Variants in MYO18B observed in about 807,000 individuals in gnomAD.
MYO18B encodes the protein unconventional myosin-XVIIIb.
A neutral mutation model predicts 273.0 loss-of-function variants in MYO18B; 204 were observed. The observed-to-expected ratio is 0.75, with a 90% CI of 0.67 to 0.84. The LOEUF is 0.84. Among genes scored for constraint, MYO18B ranks in the 40% least tolerant of loss-of-function variants. The pLI, the probability that MYO18B is intolerant of heterozygous loss-of-function variation, is 0.00. For missense variants in MYO18B, 3,212 were observed against 3,287.6 expected, an observed-to-expected ratio of 0.98 and a Z score of 0.56; for synonymous variants, 1,330 against 1,305.7, an observed-to-expected ratio of 1.02 and a Z score of -0.40.
At chr22:26,029,487 C>T (rs778000069) in intron 43 of MYO18B, among the ~76,000 whole-genome samples, 2 of 152,078 alleles carry the variant, frequency 1.3e-5, no homozygotes, top group East Asian at 1.9e-4. Flanking sequence ...ATTATGCTCT[C>T]GGGGACACAG....
chr22:25,955,958 C>T (rs1009768471), intron 39 of MYO18B, among the ~76,000 whole-genome samples: 1 of 152,120 alleles, frequency 6.6e-6, no homozygotes, highest in Admixed American at 6.5e-5. Flanking sequence ...TGCTCCCTAC[C>T]AGGTTCTGAA....
rs73879803 is a variant in MYO18B at position 26,018,159 on chromosome 22, T to C, written c.6471-8286T>C. ...CAGGTGTCCACTCAGGGCAGCTCGA[T>C]GGATTGGTTTGTAAAATTGTCAAAG... On this transcript the variant is annotated intron_variant, in intron 42 of 43. Coordinates refer to ENST00000335473, the MANE Select transcript of MYO18B (RefSeq NM_032608.7). Among the ~76,000 whole-genome samples the C allele has an allele frequency of 8.9e-3, 1,350 of 152,120 alleles. 25 individuals carry two copies. The highest frequency in any genetic ancestry group is 0.03 in the African/African-American group (1,264 of 41,496).
intron 14 of MYO18B, among the ~76,000 whole-genome samples, chr22:25,827,584 C>A (rs1275713569): frequency 6.6e-6 from 1 of 152,186 alleles, no homozygotes; most frequent in Non-Finnish European, 1.5e-5. Flanking sequence ...TTCTGAAATC[C>A]TGTTAAAGGG....
At chr22:26,054,752 G>A in the MYO18B span, among the ~76,000 whole-genome samples, 1 of 152,190 alleles carries the variant, frequency 6.6e-6, no homozygotes, top group African/African-American at 2.4e-5. Context: ...CGGTTTAATA[G>A]AGTGGTCTAG....
chr22:25,876,267 C>T lies in MYO18B; in HGVS notation c.4159C>T (p.Leu1387=). The change falls in exon 24 of 44, where the codon CTG becomes TTG. Residue 1387 remains leucine (L), a synonymous_variant. Coordinates refer to ENST00000335473, the MANE Select transcript of MYO18B (RefSeq NM_032608.7). ...LAVKDWPWWQ[L]LGSLQPLLSA... Reference sequence around the variant, plus strand: ...AGTCAAGGACTGGCCATGGTGGCAGCTGCTTGGTTCCCTCCAGCCTCTACT... The same window carrying T: ...AGTCAAGGACTGGCCATGGTGGCAGTTGCTTGGTTCCCTCCAGCCTCTACT... 3 of 1,613,420 alleles carry T rather than the reference C, an allele frequency of 1.9e-6. No individual in the cohort carries two copies. Among genetic ancestry groups the T allele is most frequent in the Non-Finnish European group, 2.5e-6 (3 of 1,179,668 alleles).
intron 27 of MYO18B, among the ~76,000 whole-genome samples, chr22:25,891,957 G>T (rs2091673762): frequency 6.6e-6 from 1 of 152,166 alleles, no homozygotes; most frequent in South Asian, 2.1e-4. Flanking sequence ...AAGCCTGGGA[G>T]ACCTAGGCTG....
At position 25,907,566 on chromosome 22, in the gene MYO18B, C is replaced by T. The variant is rs984509509; in HGVS notation, c.5149-756C>T. ...GGTTGTTTTCTACAGAGAAAGGGGACTGACCTAGAGGTAAAGTGAATTGTC... is the reference window on the plus strand; with the variant it reads ...GGTTGTTTTCTACAGAGAAAGGGGATTGACCTAGAGGTAAAGTGAATTGTC... On this transcript the variant is annotated intron_variant, in intron 31 of 43. Transcript: ENST00000335473. 3.9e-5 allele frequency among the ~76,000 whole-genome samples: 6 copies of T among 152,188 alleles called. No individual in the cohort carries two copies. The East Asian group carries it at 9.6e-4, about 24-fold the overall frequency.
At chr22:26,056,258 A>G in the MYO18B span, among the ~76,000 whole-genome samples, 1 of 152,194 alleles carries the variant, frequency 6.6e-6, no homozygotes. Flanking sequence ...CCTCCAAAGA[A>G]CTCAGTTTCT....
chr22:25,815,824 A>G (rs2088975189), intron 12 of MYO18B, among the ~76,000 whole-genome samples: 1 of 152,188 alleles, frequency 6.6e-6, no homozygotes, highest in African/African-American at 2.4e-5. Context: ...GCTCCAACTG[A>G]TTTGTCCATA....
chr22:26,052,085 T>C, the MYO18B span, among the ~76,000 whole-genome samples: 1 of 152,376 alleles, frequency 6.6e-6, no homozygotes, highest in African/African-American at 2.4e-5. Context: ...AAGGAATTTT[T>C]AAAGGCAAGT....
At chr22:26,003,348 G>T (rs866665542) in intron 41 of MYO18B, 39 bp downstream of exon 41, 1 of 1,572,910 alleles carries the variant, frequency 6.4e-7, no homozygotes, top group Non-Finnish European at 8.7e-7. Context: ...GCTCACAAGG[G>T]TGAGCCCCTG....
intron 12 of MYO18B, among the ~76,000 whole-genome samples, chr22:25,820,520 T>A (rs2145877010): frequency 6.7e-6 from 1 of 150,168 alleles, no homozygotes; most frequent in African/African-American, 2.4e-5. Context: ...AAATAAGAGA[T>A]GAAAGAGAGA....
chr22:25,985,101 C>T (rs2093187060), intron 39 of MYO18B, among the ~76,000 whole-genome samples: 1 of 152,184 alleles, frequency 6.6e-6, no homozygotes, highest in Admixed American at 6.5e-5. Context: ...TGTCTGCTAT[C>T]ACATCATAAA....
rs1233441758 is a variant in MYO18B, at chr22:25,847,651, A to G, written c.3774A>G (p.Thr1258=). ...TGGAGGCTCTGCGTCTGCATAGGAC[A>G]GGTAAGAGACAGCTAGGACACAGCA... ...HILEALRLHR[T]GYADHMGLTR... is the part of the protein sequence containing the mutation. Residue 1258 remains threonine, a splice_region_variant and synonymous_variant, in exon 20 of 44, where the codon ACA becomes ACG. Coordinates refer to ENST00000335473, the MANE Select transcript of MYO18B (RefSeq NM_032608.7). 4 of 1,554,152 alleles carry G rather than the reference A, an allele frequency of 2.6e-6. No homozygotes were observed. The highest frequency in any genetic ancestry group is 3.5e-6 in the Non-Finnish European group (4 of 1,149,106).
At chr22:25,973,266 G>A (rs181673940) in intron 39 of MYO18B, among the ~76,000 whole-genome samples, 7 of 152,318 alleles carry the variant, frequency 4.6e-5, no homozygotes, top group East Asian at 1.9e-4. Flanking sequence ...AAATGGGGTG[G>A]TGGTGGTGGC....
At chr22:25,872,871 C>T (rs776248664) in intron 22 of MYO18B, among the ~76,000 whole-genome samples, 1 of 152,040 alleles carries the variant, frequency 6.6e-6, no homozygotes, top group Admixed American at 6.6e-5. Context: ...TCCAGATAAC[C>T]GCCTCTGGGA....
chr22:25,807,032 C>G (rs1370089949), intron 12 of MYO18B, among the ~76,000 whole-genome samples: 1 of 152,212 alleles, frequency 6.6e-6, no homozygotes, highest in African/African-American at 2.4e-5. Context: ...CTTTGCAAAG[C>G]ATTTTGGTTG....
chr22:25,768,321 G>A lies in MYO18B; in HGVS notation c.405G>A (p.Ala135=), dbSNP rs766086592. The change falls in exon 4 of 44, where the codon GCG becomes GCA. Residue 135 remains alanine (A), a synonymous_variant. Transcript: ENST00000335473. The part of the protein sequence containing the change: ...GEKAQELGSS[A]TPTKKTVPFK... ...AGGCCCAGGAGCTGGGCTCCAGTGC[G>A]ACACCAACCAAAAAGACTGTCCCCT... is the stretch of plus-strand genomic sequence containing the variant. 6.8e-6 allele frequency: 11 copies of A among 1,613,634 alleles called. No individual in the cohort carries two copies. The South Asian group carries it at 9.9e-5, about 15-fold the overall frequency.
chr22:25,815,955 G>A (rs959933151), intron 12 of MYO18B, among the ~76,000 whole-genome samples: 1 of 152,166 alleles, frequency 6.6e-6, no homozygotes, highest in South Asian at 2.1e-4. Context: ...GCATAACTCA[G>A]CATCAATTTA....
Sources: allele counts gnomAD v4.1 joint callset (sites outside exome capture counted in the v4.1 genomes callset), GRCh38; gene constraint gnomAD v4.1.1; transcripts MANE v1.5; gene names NCBI Gene and HGNC (gene_info 2026-07-23, HGNC 2026-07-21).